Variants in ZNF544 observed in about 807,000 individuals in gnomAD.
The protein encoded by ZNF544 is zinc finger protein AF020591.
A neutral mutation model predicts 13.5 loss-of-function variants in ZNF544; 10 were observed. The ratio of observed to expected loss-of-function variants is 0.74; its 90% confidence interval spans 0.46 to 1.25. ZNF544 has a LOEUF of 1.25. Among genes scored for constraint, ZNF544 ranks in the 50% most tolerant of loss-of-function variants. ZNF544 has a pLI of 0.00. For missense variants in ZNF544, 896 were observed against 845.6 expected (o/e 1.06, Z -0.74); for synonymous variants, 323 against 300.5 (o/e 1.07, Z -0.77).
In ZNF544 at chr19:58,241,179, A is replaced by ATATATTT. The variant is rs1181835768; in HGVS notation, c.-59-2785_-59-2784insATATTTT. ...TATATTTAAATATATATATATATAT[A>ATATATTT]TTTTTTTTTTTTTGTAGAGATAGGG... On this transcript the variant is annotated intron_variant, in intron 3 of 6. Coordinates refer to ENST00000687789, the MANE Select transcript of ZNF544 (RefSeq NM_014480.4). 6.3e-4 allele frequency among the ~76,000 whole-genome samples: 46 copies of ATATATTT among 72,720 alleles called. 1 individual carries two copies. The highest frequency in any genetic ancestry group is 2.8e-3 in the East Asian group (7 of 2,490). The allele number at this position is 72,720 out of a possible 152,430, so 47.7% of individuals were successfully genotyped here. A position where few individuals can be genotyped will look rare whatever the true frequency, so the allele number is the denominator to read the frequency against.
chr19:58,270,642 C>T (rs926544108), intron 5 of ZNF544, among the ~76,000 whole-genome samples: 1 of 152,068 alleles, frequency 6.6e-6, no homozygotes, highest in Admixed American at 6.6e-5. Context: ...ATGGCTGTGA[C>T]CTGACAACTT....
intron 3 of ZNF544, among the ~76,000 whole-genome samples, chr19:58,237,279 G>C (rs988442323): frequency 6.6e-6 from 1 of 152,052 alleles, no homozygotes; most frequent in African/African-American, 2.4e-5. Context: ...GCCTAGGCTT[G>C]TCTTGATCTC....
At chr19:58,260,724 G>A (rs557358704) in intron 6 of ZNF544, 127 bp from the exon 7 acceptor site, 28 of 866,870 alleles carry the variant, frequency 3.2e-5, no homozygotes, top group South Asian at 1.1e-4. Flanking sequence ...GCCTGCATAC[G>A]GATTACAGTT....
At chr19:58,269,583 C>T (rs901096203) in intron 5 of ZNF544, among the ~76,000 whole-genome samples, 4 of 141,514 alleles carry the variant, frequency 2.8e-5, no homozygotes, top group Non-Finnish European at 6.0e-5. Flanking sequence ...TGCACTCCAG[C>T]GTGGGCGACA....
chr19:58,229,341 G>T (rs912309951), intron 1 of ZNF544, 127 bp from the exon 2 acceptor site: 21 of 152,186 alleles, frequency 1.4e-4, no homozygotes, highest in African/African-American at 4.8e-4. Context: ...GACAGAGGGT[G>T]CCTGGGTCGA....
At chr19:58,242,178 G>A (rs113929911) in intron 3 of ZNF544, 14 of 939,728 alleles carry the variant, frequency 1.5e-5, no homozygotes, top group Middle Eastern at 5.5e-4. Flanking sequence ...CAGCAGCTGC[G>A]AGTGTTGAGG....
In ZNF544 at chr19:58,263,438, TGA is replaced by T; in HGVS notation, c.*689_*690del. ...ATCATGCCATCACACCGCTGCCTTG[TGA>T]GAGATTGAGACACTCTAAATAAATA... On this transcript the variant is annotated 3_prime_UTR_variant, in exon 7 of 7. Coordinates refer to ENST00000687789, the MANE Select transcript of ZNF544 (RefSeq NM_014480.4). 2 of 985,160 alleles carry T rather than the reference TGA, an allele frequency of 2.0e-6. No individual in the cohort carries two copies. The highest frequency in any genetic ancestry group is 2.4e-6 in the Non-Finnish European group (2 of 829,916). The allele number at this position is 985,160 out of a possible 1,614,324, so 61.0% of individuals were successfully genotyped here. A position where few individuals can be genotyped will look rare whatever the true frequency, so the allele number is the denominator to read the frequency against.
chr19:58,268,171 T>C (rs1349256746), downstream of ZNF544, among the ~76,000 whole-genome samples: 2 of 151,646 alleles, frequency 1.3e-5, no homozygotes, highest in African/African-American at 2.4e-5. Flanking sequence ...TGGTGGTGCA[T>C]GCCTGTAATC....
intron 4 of ZNF544, among the ~76,000 whole-genome samples, chr19:58,244,631 A>G (rs1393024589): frequency 6.6e-6 from 1 of 152,082 alleles, no homozygotes; most frequent in Non-Finnish European, 1.5e-5. Context: ...GCTGGAGTGC[A>G]GCGGCATGAT....
rs561107626 is a variant in ZNF544 at position 58,243,881 on chromosome 19, G to A, written c.-59-84G>A. 167 of 1,141,174 alleles carry A rather than the reference G, an allele frequency of 1.5e-4. 3 individuals carry two copies. In the South Asian group the frequency reaches 2.6e-3, roughly 18 times the overall value. The allele number at this position is 1,141,174 out of a possible 1,614,324, so 70.7% of individuals were successfully genotyped here. A position where few individuals can be genotyped will look rare whatever the true frequency, so the allele number is the denominator to read the frequency against. On this transcript the variant is annotated intron_variant, in intron 3 of 6. Transcript: ENST00000687789. ...CACCTGGGAAGCCCTGCTTGTGGCCGGCCCCGCGTTCTCTAGGGTGGGTGT... is the reference window on the plus strand; with the variant it reads ...CACCTGGGAAGCCCTGCTTGTGGCCAGCCCCGCGTTCTCTAGGGTGGGTGT...
At chr19:58,265,838 T>G (rs930094022), downstream of ZNF544, among the ~76,000 whole-genome samples, 9 of 149,684 alleles carry the variant, frequency 6.0e-5, no homozygotes, top group African/African-American at 2.2e-4. Context: ...TCTCCAGCCT[T>G]GGCCTCCCAA....
Position 58,262,479 on chromosome 19 carries a change from A to T in ZNF544, c.1873A>T (p.Ile625Phe). 3 of 1,614,228 alleles carry T rather than the reference A, an allele frequency of 1.9e-6. No homozygotes were observed. Among genetic ancestry groups the T allele is most frequent in the Non-Finnish European group, 2.5e-6 (3 of 1,180,036 alleles). Residue 625 changes from isoleucine (I) to phenylalanine (F), a missense_variant, in exon 7 of 7, where the codon ATT (isoleucine) becomes TTT (phenylalanine). Transcript: ENST00000687789. ...RSTQLIRHLQ[I>F]HTGEKPYKCN... ...CACTCAGCTCATCAGGCATCTGCAA[A>T]TTCACACTGGGGAGAAGCCGTACAA... is the stretch of plus-strand genomic sequence containing the variant.
chr19:58,262,085 A>G lies in ZNF544; in HGVS notation c.1479A>G (p.Lys493=), dbSNP rs200422781. ...KRTHTGEKPF[K]CTQCGKSFSQ... ...CGCACACTGGAGAAAAACCCTTCAA[A>G]TGTACTCAGTGTGGGAAATCTTTCA... Residue 493 remains lysine (K), a synonymous_variant, in exon 7 of 7, where the codon AAA becomes AAG. Coordinates refer to ENST00000687789, the MANE Select transcript of ZNF544 (RefSeq NM_014480.4). 1.1e-5 allele frequency: 18 copies of G among 1,610,178 alleles called. No homozygotes were observed. Among genetic ancestry groups the G allele is most frequent in the Admixed American group, 1.7e-5 (1 of 59,512 alleles).
chr19:58,258,908 C>T (rs2048290482), intron 6 of ZNF544: 1 of 152,092 alleles, frequency 6.6e-6, no homozygotes, highest in African/African-American at 2.4e-5. Context: ...GGATCCTGAG[C>T]TGGGAGCCTC....
chr19:58,276,276 G>C (rs2051216542), intron 5 of ZNF544: 1 of 1,064,152 alleles, frequency 9.4e-7, no homozygotes, highest in Non-Finnish European at 1.2e-6. Flanking sequence ...GGTGGCCACT[G>C]TGCAGGGGAA....
At chr19:58,238,777 A>T (rs1190621043) in intron 3 of ZNF544, among the ~76,000 whole-genome samples, 1 of 151,950 alleles carries the variant, frequency 6.6e-6, no homozygotes, top group Non-Finnish European at 1.5e-5. Flanking sequence ...AAGATCCTCA[A>T]CGTGGGTCTT....
At chr19:58,233,283 AC>A (rs1483361512) in intron 3 of ZNF544, among the ~76,000 whole-genome samples, 2 of 152,160 alleles carry the variant, frequency 1.3e-5, no homozygotes, top group Admixed American at 1.3e-4. Flanking sequence ...AGGTGGGGAC[AC>A]TGCCAACCAC....
At chr19:58,252,267 C>T (rs1034954492) in intron 6 of ZNF544, among the ~76,000 whole-genome samples, 2 of 152,204 alleles carry the variant, frequency 1.3e-5, no homozygotes, top group Non-Finnish European at 2.9e-5. Context: ...ATGCCTTTTA[C>T]CAAAAGTACA....
intron 5 of ZNF544, among the ~76,000 whole-genome samples, chr19:58,275,149 G>T (rs113618182): frequency 6.6e-6 from 1 of 152,048 alleles, no homozygotes; most frequent in African/African-American, 2.4e-5. Flanking sequence ...CCCATAAAAT[G>T]AGAAATGCAA....
Sources: gnomAD v4.1 joint callset for allele counts (sites outside exome capture counted in the v4.1 genomes callset) on GRCh38, gnomAD v4.1.1 for gene constraint, MANE v1.5 for transcripts, NCBI Gene and HGNC (gene_info 2026-07-23, HGNC 2026-07-21) for gene names.